GOLGB1: variants seen among roughly 807,000 people sequenced by gnomAD.
The protein encoded by GOLGB1 is golgin subfamily B member 1.
Under a neutral mutation model 336.9 loss-of-function variants are expected in GOLGB1, and 174 were observed. That is an observed-to-expected ratio of 0.52 (90% confidence interval 0.46 to 0.59). The LOEUF is 0.59. Among genes scored for constraint, GOLGB1 ranks in the 20% least tolerant of loss-of-function variants. The pLI is 0.00. For synonymous variants in GOLGB1, 1,208 were observed against 1,289.2 expected, an observed-to-expected ratio of 0.94 and a Z score of 1.35; for missense variants, 3,331 against 3,645.3, an observed-to-expected ratio of 0.91 and a Z score of 2.22.
At chr3:121,683,228 C>T (rs968585199) in intron 14 of GOLGB1, among the ~76,000 whole-genome samples, 4 of 151,586 alleles carry the variant, frequency 2.6e-5, no homozygotes, top group African/African-American at 9.7e-5. Context: ...TATAGGTACC[C>T]TCTTCAGCTC....
At chr3:121,743,510 G>A (rs1947030265) in intron 1 of GOLGB1, among the ~76,000 whole-genome samples, 2 of 152,148 alleles carry the variant, frequency 1.3e-5, no homozygotes, top group African/African-American at 4.8e-5. Context: ...AATACCTAAT[G>A]TAAATGACGA....
At chr3:121,718,333 C>T (rs761756584) in intron 8 of GOLGB1, 55 bp downstream of exon 8, 43 of 1,142,610 alleles carry the variant, frequency 3.8e-5, no homozygotes, top group Middle Eastern at 3.9e-4. Flanking sequence ...GCCTGGCAAA[C>T]GAAAGTGGAA....
At position 121,694,288 on chromosome 3, in the gene GOLGB1, G is replaced by T; in HGVS notation, c.6235C>A (p.Gln2079Lys). The change falls in exon 13 of 22, where the codon CAA becomes AAA. Residue 2079 changes from glutamine to lysine, a missense_variant. Transcript: ENST00000614479. ...AQAVEHRKKA[Q>K]AELASFKVLL... ...ACTTTGAAGCTAGCTAATTCTGCTT[G>T]TGCCTTTTTGCGGTGTTCAACTGCT... 2.5e-6 allele frequency: 4 copies of T among 1,610,294 alleles called. No individual in the cohort carries two copies. Among genetic ancestry groups the T allele is most frequent in the Non-Finnish European group, 3.4e-6 (4 of 1,179,880 alleles).
intron 1 of GOLGB1, among the ~76,000 whole-genome samples, chr3:121,746,069 A>T (rs547983293): frequency 4.6e-5 from 7 of 152,240 alleles, no homozygotes; most frequent in Admixed American, 1.3e-4. Context: ...ATATGCATAT[A>T]TGCCATCTAC....
chr3:121,676,389 A>G (rs993472498), intron 17 of GOLGB1, among the ~76,000 whole-genome samples: 4 of 152,138 alleles, frequency 2.6e-5, no homozygotes, highest in Non-Finnish European at 4.4e-5. Flanking sequence ...TGTGCATACA[A>G]TTTTTGGGCA....
In GOLGB1 at chr3:121,690,913, G is replaced by A; in HGVS notation, c.8451C>T (p.Ser2817=). The A allele has an allele frequency of 6.2e-7, 1 of 1,613,954 alleles. No individual in the cohort carries two copies. Among genetic ancestry groups the A allele is most frequent in the Non-Finnish European group, 8.5e-7 (1 of 1,179,822 alleles). The change falls in exon 14 of 22, where the codon TCC becomes TCT. Residue 2817 remains serine (S), a synonymous_variant. Coordinates refer to ENST00000614479, the MANE Select transcript of GOLGB1 (RefSeq NM_001366282.2). ...HLEKLNQQLL[S]KDEQLLHLSS... is the part of the protein sequence containing the mutation. ...ACAAGTGAAGCAATTGCTCATCTTT[G>A]GATAGGAGCTGTTGGTTAAGTTTCT...
intron 17 of GOLGB1, among the ~76,000 whole-genome samples, chr3:121,674,185 A>G (rs1939998292): frequency 1.3e-5 from 2 of 151,822 alleles, no homozygotes; most frequent in Non-Finnish European, 2.9e-5. Flanking sequence ...ATAAGGTCAT[A>G]TCATCTGCAA....
Position 121,669,193 on chromosome 3 carries a change from T to C in GOLGB1, c.9321+19A>G. On this transcript the variant is annotated intron_variant, in intron 18 of 21. Coordinates refer to ENST00000614479, the MANE Select transcript of GOLGB1 (RefSeq NM_001366282.2). ...ATTTCATCACACTTCTCCCAGTCTC[T>C]CACCTTCTCTTTACTCACCGCCTGC... is the stretch of plus-strand genomic sequence containing the variant. 2.5e-6 allele frequency: 4 copies of C among 1,612,304 alleles called. No homozygotes were observed. Among genetic ancestry groups the C allele is most frequent in the Non-Finnish European group, 3.4e-6 (4 of 1,179,396 alleles).
rs529925116 is a variant in GOLGB1, at chr3:121,669,206, A to G, written c.9321+6T>C. The G allele has an allele frequency of 1.3e-5, 21 of 1,613,020 alleles. No individual in the cohort carries two copies. In the South Asian group the frequency reaches 2.0e-4, roughly 15 times the overall value. On this transcript the variant is annotated splice_donor_region_variant and intron_variant, in intron 18 of 21. Coordinates refer to ENST00000614479, the MANE Select transcript of GOLGB1 (RefSeq NM_001366282.2). ...TCTCCCAGTCTCTCACCTTCTCTTT[A>G]CTCACCGCCTGCAGCTCTTGAACCT... is the stretch of plus-strand genomic sequence containing the variant.
chr3:121,709,180 A>G (rs942761162), intron 10 of GOLGB1, among the ~76,000 whole-genome samples: 6 of 152,232 alleles, frequency 3.9e-5, no homozygotes, highest in Non-Finnish European at 8.8e-5. Flanking sequence ...AGAGATTCCA[A>G]TTACCAAGAA....
chr3:121,670,386 G>A (rs1307107389), intron 17 of GOLGB1, among the ~76,000 whole-genome samples: 1 of 152,210 alleles, frequency 6.6e-6, no homozygotes, highest in Non-Finnish European at 1.5e-5. Flanking sequence ...TTTTAGAGGA[G>A]AGACGACAGT....
intron 14 of GOLGB1, 100 bp downstream of exon 14, chr3:121,690,567 GATA>G: frequency 3.6e-6 from 2 of 550,930 alleles, no homozygotes; most frequent in Non-Finnish European, 2.9e-6. Flanking sequence ...TGCGTTCCCA[GATA>G]ATATGTATAA....
chr3:121,693,191 A>C (rs975229903), intron 13 of GOLGB1, among the ~76,000 whole-genome samples: 4 of 152,308 alleles, frequency 2.6e-5, no homozygotes, highest in African/African-American at 9.6e-5. Flanking sequence ...AATGGAAATG[A>C]AAAGAAATAC....
intron 5 of GOLGB1, among the ~76,000 whole-genome samples, chr3:121,726,655 A>G (rs929422095): frequency 8.5e-5 from 13 of 152,082 alleles, no homozygotes; most frequent in Non-Finnish European, 1.5e-5. Flanking sequence ...ACAACAAACA[A>G]AAAAACAAAC....
At chr3:121,680,779 A>G (rs542956174) in intron 15 of GOLGB1, among the ~76,000 whole-genome samples, 3 of 152,358 alleles carry the variant, frequency 2.0e-5, no homozygotes, top group African/African-American at 7.2e-5. Context: ...TATAATATAT[A>G]AAGAACGCTT....
chr3:121,684,127 C>CAAAAAAAAAAAAAAAAAAAAA (rs61510295), intron 14 of GOLGB1, among the ~76,000 whole-genome samples: 9 of 10,908 alleles, frequency 8.3e-4, no homozygotes, highest in Non-Finnish European at 1.3e-3. Context: ...GACGCCGTCT[C>CAAAAAAAAAAAAAAAAAAAAA]AAAAAAAAAA....
chr3:121,722,477 C>A, intron 5 of GOLGB1, 99 bp from the exon 6 acceptor site: 1 of 656,584 alleles, frequency 1.5e-6, no homozygotes, highest in South Asian at 1.9e-5. Flanking sequence ...ACCTAAATGC[C>A]TACCATATTT....
chr3:121,707,168 A>C (rs1301345143), intron 10 of GOLGB1, among the ~76,000 whole-genome samples: 1 of 144,956 alleles, frequency 6.9e-6, no homozygotes, highest in Non-Finnish European at 1.5e-5. Flanking sequence ...CGGAGATTGC[A>C]GTGAGTCAAG....
chr3:121,713,991 G>A (rs1944552302), intron 10 of GOLGB1, among the ~76,000 whole-genome samples: 2 of 152,170 alleles, frequency 1.3e-5, no homozygotes, highest in African/African-American at 2.4e-5. Flanking sequence ...TTCAGATGGT[G>A]GGTATACAGA....
Sources: gnomAD v4.1 joint callset for allele counts (sites outside exome capture counted in the v4.1 genomes callset) on GRCh38, gnomAD v4.1.1 for gene constraint, MANE v1.5 for transcripts, NCBI Gene and HGNC (gene_info 2026-07-23, HGNC 2026-07-21) for gene names.